CNR2: variants seen among roughly 807,000 people sequenced by gnomAD.
CNR2 encodes cannabinoid receptor 2 (macrophage).
For missense variants in CNR2, 379 were observed against 439.9 expected (o/e 0.86, Z 1.24); for synonymous variants, 172 against 182.2 (o/e 0.94, Z 0.45).
intron 1 of CNR2, 109 bp from the exon 2 acceptor site, chr1:23,875,771 G>C: frequency 1.1e-6 from 1 of 888,666 alleles, no homozygotes; most frequent in Non-Finnish European, 1.7e-6. Flanking sequence ...TGGATTCTAT[G>C]TGGGAAAATC....
At chr1:23,895,491 A>G (rs1640264927) in intron 1 of CNR2, among the ~76,000 whole-genome samples, 1 of 152,152 alleles carries the variant, frequency 6.6e-6, no homozygotes, top group Non-Finnish European at 1.5e-5. Flanking sequence ...GGACAAAGCC[A>G]GGACCTGAGT....
At chr1:23,895,386 C>T (rs762680041) in intron 1 of CNR2, among the ~76,000 whole-genome samples, 7 of 152,196 alleles carry the variant, frequency 4.6e-5, no homozygotes, top group East Asian at 1.9e-4. Context: ...GGAAGGCTCA[C>T]GGCTATTATG....
intron 1 of CNR2, among the ~76,000 whole-genome samples, chr1:23,907,408 C>CA (rs58616828): frequency 0.023 from 2,238 of 98,234 alleles, 54 homozygotes; most frequent in African/African-American, 0.073. Context: ...GACCTTGTCT[C>CA]AAAAAAAAAA....
At chr1:23,891,635 A>AAAAAAAAAAG (rs58607626) in intron 1 of CNR2, among the ~76,000 whole-genome samples, 3 of 131,012 alleles carry the variant, frequency 2.3e-5, no homozygotes, top group Non-Finnish European at 3.2e-5. Flanking sequence ...AAAAAAAAAA[A>AAAAAAAAAAG]AAAGCCCAAA....
At chr1:23,901,273 T>C (rs944672175) in intron 1 of CNR2, among the ~76,000 whole-genome samples, 1 of 152,128 alleles carries the variant, frequency 6.6e-6, no homozygotes, top group African/African-American at 2.4e-5. Context: ...CACCCCAGTG[T>C]ACCAGAGATG....
At chr1:23,902,829 C>T (rs984010387) in intron 1 of CNR2, 38 of 1,280,944 alleles carry the variant, frequency 3.0e-5, no homozygotes, top group African/African-American at 1.1e-4. Context: ...CTGCGCTGCC[C>T]GGCCTTCCTG....
At chr1:23,883,263 G>A (rs560386920) in intron 1 of CNR2, among the ~76,000 whole-genome samples, 7 of 152,344 alleles carry the variant, frequency 4.6e-5, no homozygotes, top group African/African-American at 1.7e-4. Context: ...CGATGGGGGT[G>A]TAAGTTGACA....
Position 23,898,333 on chromosome 1 carries a change from G to A in CNR2, c.-46+14913C>T, listed in dbSNP as rs1443016231. 2.9e-3 allele frequency among the ~76,000 whole-genome samples: 15 copies of A among 5,256 alleles called. No homozygotes were observed. The East Asian group carries it at 0.049, about 17-fold the overall frequency. The allele number at this position is 5,256 out of a possible 152,430, so 3.4% of individuals were successfully genotyped here. ...ATTACAGGCGTGAGCCACCGCGCCC[G>A]GCTTTTTTTTTTTTTTTTTTTTTTT... On this transcript the variant is annotated intron_variant, in intron 1 of 1. Transcript: ENST00000374472.
chr1:23,883,547 G>A (rs547320639), intron 1 of CNR2, among the ~76,000 whole-genome samples: 2 of 152,328 alleles, frequency 1.3e-5, no homozygotes, highest in South Asian at 2.1e-4. Flanking sequence ...GTGTTAGGCC[G>A]GGCGTGGTAG....
At chr1:23,889,138 C>T (rs1640143197) in intron 1 of CNR2, among the ~76,000 whole-genome samples, 1 of 152,156 alleles carries the variant, frequency 6.6e-6, no homozygotes, top group Non-Finnish European at 1.5e-5. Context: ...CAGCCTGGTT[C>T]ATACTGAGCA....
chr1:23,895,959 T>A (rs1290128197), intron 1 of CNR2, among the ~76,000 whole-genome samples: 2 of 152,186 alleles, frequency 1.3e-5, no homozygotes, highest in Non-Finnish European at 2.9e-5. Flanking sequence ...TTTTTGACTT[T>A]TATTTTTCTG....
intron 1 of CNR2, among the ~76,000 whole-genome samples, chr1:23,892,687 C>G (rs572627945): frequency 4.6e-5 from 7 of 152,286 alleles, no homozygotes; most frequent in African/African-American, 1.7e-4. Flanking sequence ...TTAACTGCCC[C>G]AATTTATAAT....
intron 1 of CNR2, among the ~76,000 whole-genome samples, chr1:23,883,698 G>A (rs1215259667): frequency 6.6e-6 from 1 of 152,050 alleles, no homozygotes; most frequent in South Asian, 2.1e-4. Flanking sequence ...GGTGGTGTGC[G>A]CCTGTAGTCC....
chr1:23,902,841 C>T, intron 1 of CNR2: 1 of 1,236,928 alleles, frequency 8.1e-7, no homozygotes, highest in East Asian at 3.5e-5. Context: ...GCCTTCCTGC[C>T]CACGGCGGCG....
chr1:23,880,282 T>A (rs1420373697), intron 1 of CNR2, among the ~76,000 whole-genome samples: 2 of 149,196 alleles, frequency 1.3e-5, no homozygotes, highest in Non-Finnish European at 3.0e-5. Flanking sequence ...GGTTGAAGCC[T>A]TTCTCTTGCC....
intron 1 of CNR2, among the ~76,000 whole-genome samples, chr1:23,885,623 T>C (rs1640073974): frequency 6.6e-6 from 1 of 152,092 alleles, no homozygotes; most frequent in Non-Finnish European, 1.5e-5. Flanking sequence ...CTCACACCTG[T>C]AATCCCAGCA....
Position 23,872,989 on chromosome 1 carries a change from A to G in CNR2, c.*1546T>C, listed in dbSNP as rs955831611. The G allele has an allele frequency of 4.6e-5, 7 of 152,260 alleles. No homozygotes were observed. Among genetic ancestry groups the G allele is most frequent in the Non-Finnish European group, 1.0e-4 (7 of 68,054 alleles). The allele number at this position is 152,260 out of a possible 1,614,324, so 9.4% of individuals were successfully genotyped here. A position where few individuals can be genotyped will look rare whatever the true frequency, so the allele number is the denominator to read the frequency against. On this transcript the variant is annotated 3_prime_UTR_variant, in exon 2 of 2. Coordinates refer to ENST00000374472, the MANE Select transcript of CNR2 (RefSeq NM_001841.3). ...TATGGCTGGGTACTCAGGACCCTGC[A>G]CAGAGCCTGGCTCATGTTTATGAGA...
At position 23,909,718 on chromosome 1, in the gene CNR2, C is replaced by T. The variant is rs1299339355; in HGVS notation, c.-46+3528G>A. Among the ~76,000 whole-genome samples, 9 of 152,044 alleles carry T rather than the reference C, an allele frequency of 5.9e-5. No homozygotes were observed. In the East Asian group the frequency reaches 9.6e-4, roughly 16 times the overall value. On this transcript the variant is annotated intron_variant, in intron 1 of 1. Coordinates refer to ENST00000374472, the MANE Select transcript of CNR2 (RefSeq NM_001841.3). ...GATATCCCTCCAATTTCCTCCCCAG[C>T]GCAGGTTCTCGGGTTGTCCATGTGA...
Position 23,894,433 on chromosome 1 carries a change from A to ATTTT in CNR2, c.-45-18775_-45-18772dup, listed in dbSNP as rs146585324. 7.7e-4 allele frequency among the ~76,000 whole-genome samples: 115 copies of ATTTT among 149,782 alleles called. 1 individual carries two copies. In the East Asian group the frequency reaches 9.9e-3, roughly 13 times the overall value. On this transcript the variant is annotated intron_variant, in intron 1 of 1. Transcript: ENST00000374472. ...TGAAACTCTGTCTCAAAAAAAAAAA[A>ATTTT]TTTTTTTAATAAAAGGAAGGAAGGA...
Sources: allele counts gnomAD v4.1 joint callset (sites outside exome capture counted in the v4.1 genomes callset), GRCh38; gene constraint gnomAD v4.1.1; transcripts MANE v1.5; gene names NCBI Gene and HGNC (gene_info 2026-07-23, HGNC 2026-07-21).